PSG8: variants seen among roughly 807,000 people sequenced by gnomAD.
The protein encoded by PSG8 is pregnancy specific beta-1-glycoprotein 8.
A neutral mutation model predicts 42.5 loss-of-function variants in PSG8; 57 were observed. That is an observed-to-expected ratio of 1.34 (90% confidence interval 1.08 to 1.67). The LOEUF is 1.67. Ranked by LOEUF, PSG8 falls within the 40% of genes most tolerant of loss-of-function variation. The pLI is 0.00. For missense variants in PSG8, 783 were observed against 518.6 expected (o/e 1.51, Z -4.95); for synonymous variants, 280 against 196.8 (o/e 1.42, Z -3.54).
chr19:42,762,996 A>G (rs925502760), intron 2 of PSG8, among the ~76,000 whole-genome samples: 2 of 151,978 alleles, frequency 1.3e-5, no homozygotes, highest in African/African-American at 2.4e-5. Context: ...GTCTTCCTGT[A>G]CCTCAGTTTT....
chr19:42,763,619 C>G, intron 2 of PSG8: 3 of 515,328 alleles, frequency 5.8e-6, no homozygotes, highest in Non-Finnish European at 9.9e-6. Context: ...TTCTCAGGGT[C>G]AAATTTATGA....
chr19:42,752,988 C>A (rs955237718), downstream of PSG8: 3 of 475,280 alleles, frequency 6.3e-6, no homozygotes, highest in Non-Finnish European at 1.1e-5. Flanking sequence ...CTATTGTTAC[C>A]CTCAGAAGCT....
chr19:42,754,241 G>A lies in PSG8; in HGVS notation c.*54C>T. 6.3e-7 allele frequency: 1 copy of A among 1,596,836 alleles called. No homozygotes were observed. The highest frequency in any genetic ancestry group is 8.5e-7 in the Non-Finnish European group (1 of 1,171,902). On this transcript the variant is annotated 3_prime_UTR_variant, in exon 5 of 5. Coordinates refer to ENST00000306511, the MANE Select transcript of PSG8 (RefSeq NM_182707.3). ...ATTTGCTTGTGCCCATGGGACGCAG[G>A]CTGGGAATAAAAATGTTTTCCTGAC...
downstream of PSG8, chr19:42,752,768 C>T (rs368566805): frequency 1.1e-4 from 19 of 175,190 alleles, no homozygotes; most frequent in East Asian, 5.8e-4. Flanking sequence ...TAGGAAATGG[C>T]GAGAGCCATC....
Position 42,755,031 on chromosome 19 carries a change from T to G in PSG8, c.945A>C (p.Gln315His). The G allele has an allele frequency of 1.2e-6, 2 of 1,613,082 alleles. No individual in the cohort carries two copies. Among genetic ancestry groups the G allele is most frequent in the Non-Finnish European group, 1.7e-6 (2 of 1,179,688 alleles). ...CTGGGTAACTGCGGATGCCACCATA[T>G]TGGTCCCTTATTTCACATTGATAGG... ...TGPYQCEIRD[Q>H]YGGIRSYPVT... The change falls in exon 4 of 5, where the codon CAA (glutamine) becomes CAC (histidine). Residue 315 changes from glutamine (Q) to histidine (H), a missense_variant. Physicochemically the swap from Gln to His is conservative, Grantham distance 24. Coordinates refer to ENST00000306511, the MANE Select transcript of PSG8 (RefSeq NM_182707.3).
At chr19:42,759,313 C>T (rs145691944) in intron 2 of PSG8, among the ~76,000 whole-genome samples, 1,702 of 152,156 alleles carry the variant, frequency 0.011, 85 homozygotes, top group Admixed American at 0.082. Flanking sequence ...GGAGTTTCTA[C>T]GAGCTGGGAT....
At position 42,761,912 on chromosome 19, in the gene PSG8, C is replaced by T. The variant is rs562280254; in HGVS notation, c.430+2004G>A. Among the ~76,000 whole-genome samples the T allele has an allele frequency of 1.2e-3, 152 of 130,200 alleles. 1 individual carries two copies. The highest frequency in any genetic ancestry group is 4.4e-3 in the African/African-American group (149 of 34,186). 85.4% of individuals were successfully genotyped at this position (130,200 alleles called of 152,430 possible). A position where few individuals can be genotyped will look rare whatever the true frequency, so the allele number is the denominator to read the frequency against. Reference sequence around the variant, plus strand: ...TGAGTGGATGGAGGAACTGCCTATCCCTGTCCCATTGTCTTGTCCACAGGT... The same window carrying T: ...TGAGTGGATGGAGGAACTGCCTATCTCTGTCCCATTGTCTTGTCCACAGGT... On this transcript the variant is annotated intron_variant, in intron 2 of 4. Coordinates refer to ENST00000306511, the MANE Select transcript of PSG8 (RefSeq NM_182707.3).
chr19:42,760,614 A>T (rs867306243), intron 2 of PSG8, among the ~76,000 whole-genome samples: 1 of 151,324 alleles, frequency 6.6e-6, no homozygotes, highest in African/African-American at 2.4e-5. Flanking sequence ...ACAGAGTCTC[A>T]CTCTGTCACC....
At position 42,763,708 on chromosome 19, in the gene PSG8, G is replaced by T. The variant is rs534158734; in HGVS notation, c.430+208C>A. ...TCAGACTGTCCTTCCTCTGCAGCGA[G>T]TGTCTGCAGGGTCTGGATGCGGGAA... On this transcript the variant is annotated intron_variant, in intron 2 of 4. Transcript: ENST00000306511. 6 of 964,066 alleles carry T rather than the reference G, an allele frequency of 6.2e-6. No individual in the cohort carries two copies. The South Asian group carries it at 7.5e-5, about 12-fold the overall frequency. The allele number at this position is 964,066 out of a possible 1,614,324, so 59.7% of individuals were successfully genotyped here. A position where few individuals can be genotyped will look rare whatever the true frequency, so the allele number is the denominator to read the frequency against.
intron 4 of PSG8, 113 bp downstream of exon 4, chr19:42,754,875 G>C (rs1183880414): frequency 1.9e-6 from 3 of 1,554,616 alleles, no homozygotes; most frequent in Non-Finnish European, 2.6e-6. Context: ...CAGCTCGGAT[G>C]TCCAGAAGTG....
At chr19:42,760,676 A>G (rs932310290) in intron 2 of PSG8, among the ~76,000 whole-genome samples, 6 of 151,664 alleles carry the variant, frequency 4.0e-5, no homozygotes, top group South Asian at 2.1e-4. Flanking sequence ...TCTGCCTCCT[A>G]GGTTCACGCC....
intron 1 of PSG8, among the ~76,000 whole-genome samples, chr19:42,764,868 C>A (rs576475291): frequency 1.3e-5 from 2 of 152,150 alleles, no homozygotes; most frequent in Admixed American, 6.5e-5. Context: ...GGGCCCTCCA[C>A]GCCCTTGGTG....
At chr19:42,761,601 T>C (rs887480555) in intron 2 of PSG8, among the ~76,000 whole-genome samples, 1 of 152,050 alleles carries the variant, frequency 6.6e-6, no homozygotes, top group African/African-American at 2.4e-5. Flanking sequence ...GAGTCAGATT[T>C]AAGGGCAAAC....
chr19:42,764,119 T>A lies in PSG8; in HGVS notation c.227A>T (p.Tyr76Phe). The part of the protein sequence containing the change: ...IWYKGQIRDL[Y>F]HYITSYVVDG... ...TACTACATATGATGTAATGTAATGGTAGAGGTCCCTGATTTGCCCTTTGTA... is the reference window on the plus strand; with the variant it reads ...TACTACATATGATGTAATGTAATGGAAGAGGTCCCTGATTTGCCCTTTGTA... Residue 76 changes from tyrosine (Y) to phenylalanine (F), a missense_variant, in exon 2 of 5, where the codon TAC becomes TTC. Transcript: ENST00000306511. The A allele has an allele frequency of 6.2e-7, 1 of 1,613,864 alleles. No homozygotes were observed. Among genetic ancestry groups the A allele is most frequent in the East Asian group, 2.2e-5 (1 of 44,862 alleles).
chr19:42,762,458 G>C (rs1241240295), intron 2 of PSG8, among the ~76,000 whole-genome samples: 1 of 152,064 alleles, frequency 6.6e-6, no homozygotes. Context: ...CAAGGGACAG[G>C]TGTGGCTAGA....
chr19:42,753,123 A>G (rs1969822204), downstream of PSG8: 1 of 646,142 alleles, frequency 1.5e-6, no homozygotes, highest in African/African-American at 1.8e-5. Context: ...ATCTTGGGAA[A>G]AACTGTCCAC....
rs894684977 is a variant in PSG8, at chr19:42,758,357, G to A, written c.431-77C>T. ...CAAAGGCATTTTTCAATCAGAGTTG[G>A]CATTTCCCACCTCTCAGCCCACCCA... is the stretch of plus-strand genomic sequence containing the variant. On this transcript the variant is annotated intron_variant, in intron 2 of 4. Transcript: ENST00000306511. The A allele has an allele frequency of 5.7e-5, 89 of 1,560,040 alleles. 1 individual carries two copies. In the Middle Eastern group the frequency reaches 1.6e-3, roughly 28 times the overall value.
At chr19:42,761,671 T>C (rs1970077044) in intron 2 of PSG8, among the ~76,000 whole-genome samples, 2 of 152,058 alleles carry the variant, frequency 1.3e-5, no homozygotes, top group South Asian at 4.1e-4. Flanking sequence ...ACTTATTTTT[T>C]AGTCCTGTGC....
chr19:42,760,347 C>T (rs997188581), intron 2 of PSG8, among the ~76,000 whole-genome samples: 2 of 152,130 alleles, frequency 1.3e-5, no homozygotes, highest in South Asian at 2.1e-4. Flanking sequence ...ATTCCCATTA[C>T]ATGTATGTTA....
Sources: gnomAD v4.1 joint callset for allele counts (sites outside exome capture counted in the v4.1 genomes callset) on GRCh38, gnomAD v4.1.1 for gene constraint, MANE v1.5 for transcripts, NCBI Gene and HGNC (gene_info 2026-07-23, HGNC 2026-07-21) for gene names.